ZNF695: variants seen among roughly 807,000 people sequenced by gnomAD.
ZNF695 encodes the protein zinc finger protein SBZF3.
Under a neutral mutation model 11.2 loss-of-function variants are expected in ZNF695, and 11 were observed. The ratio of observed to expected loss-of-function variants is 0.98; its 90% CI spans 0.62 to 1.62. ZNF695 has a LOEUF of 1.62. Among genes scored for constraint, ZNF695 ranks in the 40% most tolerant of loss-of-function variants. The pLI, the probability that ZNF695 is intolerant of heterozygous loss-of-function variation, is 0.00. For synonymous variants in ZNF695, 190 were observed against 201.4 expected (o/e 0.94, Z 0.48); for missense variants, 559 against 590.5 (o/e 0.95, Z 0.55).
intron 1 of ZNF695, among the ~76,000 whole-genome samples, chr1:247,004,660 T>C (rs1268998890): frequency 6.6e-6 from 1 of 152,190 alleles, no homozygotes; most frequent in East Asian, 1.9e-4. Flanking sequence ...TTGCAAATGA[T>C]ATGATCTTCC....
chr1:246,990,411 G>C (rs924698986), intron 3 of ZNF695, among the ~76,000 whole-genome samples: 1 of 152,108 alleles, frequency 6.6e-6, no homozygotes, highest in Non-Finnish European at 1.5e-5. Flanking sequence ...AAATCAGCAA[G>C]AGAATATAAC....
At chr1:246,979,665 G>T (rs1485780598) in intron 4 of ZNF695, among the ~76,000 whole-genome samples, 6 of 152,004 alleles carry the variant, frequency 3.9e-5, no homozygotes, top group Admixed American at 3.9e-4. Flanking sequence ...CTTAAATTAT[G>T]AATATGGTTG....
At chr1:246,953,032 C>G (rs1242577607) in intron 5 of ZNF695, among the ~76,000 whole-genome samples, 1 of 152,128 alleles carries the variant, frequency 6.6e-6, no homozygotes, top group African/African-American at 2.4e-5. Flanking sequence ...ATGTCCACCC[C>G]ACAATCCTCT....
At chr1:246,984,124 C>CACA (rs1668780215), downstream of ZNF695, among the ~76,000 whole-genome samples, 1 of 134,980 alleles carries the variant, frequency 7.4e-6, no homozygotes, top group Non-Finnish European at 1.5e-5. Flanking sequence ...TGCACACCAG[C>CACA]CTGGGTGACA....
In ZNF695 at chr1:246,988,165, C is replaced by T. The variant is rs117437844; in HGVS notation, c.350G>A (p.Cys117Tyr). 1,112 of 1,613,312 alleles carry T rather than the reference C, an allele frequency of 6.9e-4. 15 individuals are homozygous for T. The East Asian group carries it at 0.018, about 26-fold the overall frequency. ...QKVMLRRYER[C>Y]CLEKLRLRND... ...CCTTAAGCGTAATTTCTCAAGACAA[C>T]ATCTTTCATATCTTCTCAGCATCAC... The change falls in exon 4 of 4, where the codon TGT becomes TAT. Residue 117 changes from cysteine to tyrosine, a missense_variant. Coordinates refer to ENST00000339986, the MANE Select transcript of ZNF695 (RefSeq NM_020394.5).
At chr1:247,001,595 C>G (rs1669384509) in intron 1 of ZNF695, among the ~76,000 whole-genome samples, 1 of 150,866 alleles carries the variant, frequency 6.6e-6, no homozygotes, top group African/African-American at 2.4e-5. Flanking sequence ...CGCCTGTAAT[C>G]CCAGCTACTC....
chr1:246,973,221 G>C (rs924973141), intron 4 of ZNF695, among the ~76,000 whole-genome samples: 5 of 151,928 alleles, frequency 3.3e-5, no homozygotes, highest in Non-Finnish European at 7.4e-5. Flanking sequence ...GGCTAATTTT[G>C]TATTTTTAGT....
At chr1:246,975,804 GAAAGAA>G (rs1668542929) in intron 4 of ZNF695, among the ~76,000 whole-genome samples, 1 of 152,078 alleles carries the variant, frequency 6.6e-6, no homozygotes, top group Non-Finnish European at 1.5e-5. Flanking sequence ...TAAGCCAAGT[GAAAGAA>G]AAATCGAAGA....
At chr1:246,957,574 A>C (rs1452030563) in intron 5 of ZNF695, among the ~76,000 whole-genome samples, 1 of 152,172 alleles carries the variant, frequency 6.6e-6, no homozygotes, top group Non-Finnish European at 1.5e-5. Context: ...AATATTTTAA[A>C]ATTCAAATTA....
At chr1:246,995,417 C>T (rs541012456) in intron 3 of ZNF695, among the ~76,000 whole-genome samples, 68 of 152,262 alleles carry the variant, frequency 4.5e-4, no homozygotes, top group African/African-American at 1.6e-3. Context: ...TTCACAATTT[C>T]GTTTTTGCAG....
Position 246,986,914 on chromosome 1 carries a change from T to C in ZNF695, c.*53A>G. ...CAGTAAAAATATTCTGCTGTGAAGT[T>C]GTGAATAGGTATTAAAGACTATGCC... On this transcript the variant is annotated 3_prime_UTR_variant, in exon 4 of 4. Coordinates refer to ENST00000339986, the MANE Select transcript of ZNF695 (RefSeq NM_020394.5). 6.6e-7 allele frequency: 1 copy of C among 1,518,136 alleles called. No homozygotes were observed. Among genetic ancestry groups the C allele is most frequent in the East Asian group, 2.3e-5 (1 of 44,184 alleles). 94.0% of individuals were successfully genotyped at this position (1,518,136 alleles called of 1,614,324 possible).
chr1:246,947,638 C>T (rs1465710765), intron 5 of ZNF695, among the ~76,000 whole-genome samples: 1 of 148,596 alleles, frequency 6.7e-6, no homozygotes, highest in Admixed American at 6.9e-5. Context: ...GTATATCGGG[C>T]GTTTCCATGC....
rs578078622 is a variant in ZNF695 at position 246,977,325 on chromosome 1, T to C, written c.391-9533A>G. 8.5e-5 allele frequency among the ~76,000 whole-genome samples: 13 copies of C among 152,316 alleles called. No individual in the cohort carries two copies. The South Asian group carries it at 2.3e-3, about 27-fold the overall frequency. On this transcript the variant is annotated intron_variant, in intron 4 of 5. Transcript: ENST00000487338. ...AGGCTGGAGTGCAGTGGTGTGATCT[T>C]GGCTCACTGCAACCTCTGCCTCCTG...
chr1:246,981,009 A>G (rs968999654), downstream of ZNF695, among the ~76,000 whole-genome samples: 10 of 152,226 alleles, frequency 6.6e-5, no homozygotes, highest in African/African-American at 2.4e-4. Flanking sequence ...TATATGTCGG[A>G]TGGGTTAATA....
intron 4 of ZNF695, among the ~76,000 whole-genome samples, chr1:246,970,625 T>C (rs1668400864): frequency 6.6e-6 from 1 of 152,226 alleles, no homozygotes; most frequent in African/African-American, 2.4e-5. Context: ...CGGGAATCTA[T>C]AAGCTAAACA....
At chr1:246,967,611 T>C (rs1234775590) in intron 5 of ZNF695, 1 of 385,422 alleles carries the variant, frequency 2.6e-6, no homozygotes, top group Non-Finnish European at 5.2e-6. Flanking sequence ...GACCTGGCCT[T>C]GTGTATTAAT....
At chr1:246,976,589 T>C (rs1321354317) in intron 4 of ZNF695, among the ~76,000 whole-genome samples, 4 of 151,470 alleles carry the variant, frequency 2.6e-5, no homozygotes, top group Admixed American at 1.3e-4. Context: ...GGTGAGGAGA[T>C]CGAGACCATC....
rs866446496 is a variant in ZNF695, at chr1:246,945,826, C to T, written c.490G>A (p.Val164Ile). ...AGCAGCTCGATGGTCGACGACTGGA[C>T]CCTGAAAAAAAGAAAGAAAGAAAAG... Residue 164 changes from valine to isoleucine, a missense_variant and splice_region_variant, in exon 6 of 6, where the codon GTC (valine) becomes ATC (isoleucine). Physicochemically the swap from Val to Ile is conservative, Grantham distance 29. Transcript: ENST00000487338. The T allele has an allele frequency of 8.4e-6, 13 of 1,549,484 alleles. No individual in the cohort carries two copies. The African/African-American group carries it at 1.1e-4, about 13-fold the overall frequency.
chr1:247,005,996 C>T (rs1669522405), intron 1 of ZNF695, among the ~76,000 whole-genome samples: 1 of 151,936 alleles, frequency 6.6e-6, no homozygotes, highest in Admixed American at 6.6e-5. Context: ...GAGGCCGAGG[C>T]GGGAGGATCA....
Sources: gnomAD v4.1 joint callset for allele counts (sites outside exome capture counted in the v4.1 genomes callset) on GRCh38, gnomAD v4.1.1 for gene constraint, MANE v1.5 for transcripts, NCBI Gene and HGNC (gene_info 2026-07-23, HGNC 2026-07-21) for gene names.